KATNAL1: variants seen among roughly 807,000 people sequenced by gnomAD.
KATNAL1 encodes katanin p60 ATPase-containing subunit A-like 1.
Under a neutral mutation model 55.2 loss-of-function variants are expected in KATNAL1, and 32 were observed. The observed-to-expected ratio is 0.58, with a 90% CI of 0.44 to 0.78. KATNAL1 has a LOEUF of 0.78. Among genes scored for constraint, KATNAL1 ranks in the 30% least tolerant of loss-of-function variants. The pLI, the probability that KATNAL1 is intolerant of heterozygous loss-of-function variation, is 0.00. For synonymous variants in KATNAL1, 193 were observed against 193.6 expected (o/e 1.00, Z 0.02); for missense variants, 466 against 600.9 (o/e 0.78, Z 2.35).
chr13:30,301,356 G>A (rs371925591), intron 1 of KATNAL1, among the ~76,000 whole-genome samples: 9 of 152,192 alleles, frequency 5.9e-5, no homozygotes, highest in African/African-American at 1.9e-4. Flanking sequence ...CGACAAGAGT[G>A]AGACTCTGTC....
chr13:30,251,139 C>CAAAAA (rs34899786), intron 4 of KATNAL1, among the ~76,000 whole-genome samples: 5 of 85,904 alleles, frequency 5.8e-5, no homozygotes, highest in African/African-American at 2.0e-4. Context: ...GACTCTGCCT[C>CAAAAA]AAAAAAAAAA....
chr13:30,259,566 C>T (rs907074654), intron 3 of KATNAL1, among the ~76,000 whole-genome samples: 3 of 152,150 alleles, frequency 2.0e-5, no homozygotes, highest in Non-Finnish European at 2.9e-5. Context: ...TCGGGAAGAG[C>T]GAGGGGTCAG....
intron 3 of KATNAL1, among the ~76,000 whole-genome samples, chr13:30,256,002 A>T (rs1464023807): frequency 1.3e-4 from 20 of 152,240 alleles, no homozygotes; most frequent in Non-Finnish European, 2.9e-5. Context: ...AGAAAAAAGC[A>T]TTAAAAGCTG....
intron 9 of KATNAL1, among the ~76,000 whole-genome samples, chr13:30,213,556 A>G (rs1001190724): frequency 2.6e-5 from 4 of 152,210 alleles, no homozygotes; most frequent in African/African-American, 9.7e-5. Context: ...CCAGCAGCAC[A>G]TCTAAAAGCT....
In KATNAL1 at chr13:30,298,181, C is replaced by T. The variant is rs113075384; in HGVS notation, c.-15+9150G>A. Among the ~76,000 whole-genome samples the T allele has an allele frequency of 8.5e-3, 1,298 of 152,246 alleles. 27 individuals are homozygous for T. Among genetic ancestry groups the T allele is most frequent in the African/African-American group, 0.03 (1,237 of 41,532 alleles). ...TAGCTTTATCGCAATATTTGCTTTACCAAAATGGTCTGAAACAAAGCCCAC... is the reference window on the plus strand; with the variant it reads ...TAGCTTTATCGCAATATTTGCTTTATCAAAATGGTCTGAAACAAAGCCCAC... On this transcript the variant is annotated intron_variant, in intron 1 of 10. Coordinates refer to ENST00000380615, the MANE Select transcript of KATNAL1 (RefSeq NM_032116.5).
rs1873101531 is a variant in KATNAL1, at chr13:30,205,934, G to A, written c.*2606C>T. ...CACTGTCTTCTGAAATAGTGTGTGT[G>A]TGTGTGTGTGTGTGTGTGTGTGTGT... On this transcript the variant is annotated 3_prime_UTR_variant, in exon 11 of 11. Coordinates refer to ENST00000380615, the MANE Select transcript of KATNAL1 (RefSeq NM_032116.5). 8.4e-5 allele frequency: 3 copies of A among 35,782 alleles called. No homozygotes were observed. Among genetic ancestry groups the A allele is most frequent in the Non-Finnish European group, 6.8e-5 (1 of 14,782 alleles). 2.2% of individuals were successfully genotyped at this position (35,782 alleles called of 1,614,324 possible).
chr13:30,219,353 T>A (rs923241284), intron 9 of KATNAL1, among the ~76,000 whole-genome samples: 3 of 152,176 alleles, frequency 2.0e-5, no homozygotes, highest in African/African-American at 7.2e-5. Flanking sequence ...ATGGCTTCGA[T>A]TCTACTTTTC....
chr13:30,279,953 C>T (rs1475537494), intron 3 of KATNAL1, 110 bp downstream of exon 3: 19 of 896,888 alleles, frequency 2.1e-5, no homozygotes, highest in Non-Finnish European at 3.0e-5. Context: ...AAAACAGATA[C>T]TGAAATTACA....
In KATNAL1 at chr13:30,229,217, C is replaced by CT. The variant is rs1188885356; in HGVS notation, c.1012+1250dup. Among the ~76,000 whole-genome samples the CT allele has an allele frequency of 7.2e-5, 11 of 152,110 alleles. No individual in the cohort carries two copies. In the South Asian group the frequency reaches 2.3e-3, roughly 32 times the overall value. ...CCCTTTTTCTCTGTCCTGATAACTC[C>CT]TATCAATGCTTCAAAGTCCAACTTG... On this transcript the variant is annotated intron_variant, in intron 8 of 10. Transcript: ENST00000380615.
chr13:30,265,695 T>G (rs1879709619), intron 3 of KATNAL1, among the ~76,000 whole-genome samples: 1 of 151,310 alleles, frequency 6.6e-6, no homozygotes, highest in South Asian at 2.1e-4. Flanking sequence ...AAGTCCCTTT[T>G]AAGAGATTTT....
At chr13:30,238,014 C>A (rs2137415729) in intron 6 of KATNAL1, among the ~76,000 whole-genome samples, 1 of 152,270 alleles carries the variant, frequency 6.6e-6, no homozygotes, top group Middle Eastern at 3.4e-3. Flanking sequence ...GAATTTTAAG[C>A]CTAAACTACT....
intron 9 of KATNAL1, among the ~76,000 whole-genome samples, chr13:30,220,790 G>C (rs1229570304): frequency 6.6e-6 from 1 of 150,428 alleles, no homozygotes; most frequent in East Asian, 2.0e-4. Context: ...CCTCCACCTC[G>C]TGGGTTCAAG....
intron 3 of KATNAL1, among the ~76,000 whole-genome samples, chr13:30,259,818 G>A (rs911640500): frequency 2.6e-5 from 4 of 152,216 alleles, no homozygotes; most frequent in Non-Finnish European, 5.9e-5. Flanking sequence ...CATTGCCCAG[G>A]CTTGCTTAGG....
chr13:30,260,617 T>A, intron 3 of KATNAL1, among the ~76,000 whole-genome samples: 1 of 152,080 alleles, frequency 6.6e-6, no homozygotes, highest in East Asian at 1.9e-4. Flanking sequence ...AGAAAGGGTA[T>A]CAGCGATGGA....
chr13:30,244,093 C>T (rs145186745), intron 4 of KATNAL1, among the ~76,000 whole-genome samples: 1 of 151,890 alleles, frequency 6.6e-6, no homozygotes, highest in African/African-American at 2.4e-5. Flanking sequence ...CCCCCACCCC[C>T]CAACAGGCCC....
At chr13:30,270,127 C>A (rs1197885927) in intron 3 of KATNAL1, among the ~76,000 whole-genome samples, 10 of 131,678 alleles carry the variant, frequency 7.6e-5, no homozygotes, top group Non-Finnish European at 1.0e-4. Flanking sequence ...GTGAGGGGCG[C>A]CTCTGCCCGG....
intron 1 of KATNAL1, among the ~76,000 whole-genome samples, chr13:30,297,229 G>A (rs758460000): frequency 7.2e-5 from 11 of 151,772 alleles, no homozygotes; most frequent in Non-Finnish European, 1.5e-4. Context: ...AAGAGAAGAA[G>A]GAGGAAGAAG....
In KATNAL1 at chr13:30,274,434, T is replaced by TAA. The variant is rs55974120; in HGVS notation, c.323+5627_323+5628dup. ...CTACAGAATAGCACTAATTTGATCTTAAAAAAAAATCAATCTTCCTATCTA... is the reference window on the plus strand; with the variant it reads ...CTACAGAATAGCACTAATTTGATCTTAAAAAAAAAAATCAATCTTCCTATCTA... On this transcript the variant is annotated intron_variant, in intron 3 of 10. Transcript: ENST00000380615. Among the ~76,000 whole-genome samples the TAA allele has an allele frequency of 3.1e-4, 47 of 151,618 alleles. No individual in the cohort carries two copies. The East Asian group carries it at 4.1e-3, about 13-fold the overall frequency.
At chr13:30,287,777 C>G (rs1050632376) in intron 1 of KATNAL1, among the ~76,000 whole-genome samples, 6 of 152,110 alleles carry the variant, frequency 3.9e-5, no homozygotes, top group Non-Finnish European at 7.4e-5. Context: ...AGCATAAATC[C>G]TACTTACAAA....
Sources: gnomAD v4.1 joint callset for allele counts (sites outside exome capture counted in the v4.1 genomes callset) on GRCh38, gnomAD v4.1.1 for gene constraint, MANE v1.5 for transcripts, NCBI Gene and HGNC (gene_info 2026-07-23, HGNC 2026-07-21) for gene names.